Variants in SYT3 observed in about 807,000 individuals in gnomAD.
The protein encoded by SYT3 is synaptotagmin 3, also known as synaptotagmin-3.
A neutral mutation model predicts 50.6 loss-of-function variants in SYT3; 25 were observed. That is an observed-to-expected ratio of 0.49 (90% confidence interval 0.36 to 0.69). The LOEUF (loss-of-function observed/expected upper bound fraction) is 0.69. Among genes scored for constraint, SYT3 ranks in the 30% least tolerant of loss-of-function variants. SYT3 has a pLI of 0.00. For synonymous variants in SYT3, 323 were observed against 353.9 expected, an observed-to-expected ratio of 0.91 and a Z score of 0.98; for missense variants, 589 against 793.6, an observed-to-expected ratio of 0.74 and a Z score of 3.10.
the SYT3 span, among the ~76,000 whole-genome samples, chr19:50,655,548 C>T: frequency 6.6e-6 from 1 of 151,882 alleles, no homozygotes; most frequent in East Asian, 1.9e-4. Flanking sequence ...ACTCGGGAGG[C>T]TGAGGCAGGA....
chr19:50,644,143 C>A (rs892989594), upstream of SYT3, among the ~76,000 whole-genome samples: 6 of 152,142 alleles, frequency 3.9e-5, no homozygotes, highest in African/African-American at 1.4e-4. Flanking sequence ...ATGGTAGGCA[C>A]TCAATACTTA....
the SYT3 span, among the ~76,000 whole-genome samples, chr19:50,650,149 C>G: frequency 4.0e-3 from 610 of 152,280 alleles, 2 homozygotes; most frequent in Middle Eastern, 0.037. Context: ...CTGGCTGTCC[C>G]TTGCTCATAA....
the SYT3 span, among the ~76,000 whole-genome samples, chr19:50,655,648 C>CAAA: frequency 1.7e-4 from 23 of 133,564 alleles, no homozygotes; most frequent in Admixed American, 1.2e-3. Flanking sequence ...GACTCTGTCT[C>CAAA]AAAAAAAAAA....
Position 50,622,324 on chromosome 19 carries a change from C to T in SYT3, c.*161G>A, listed in dbSNP as rs1447782515. The T allele has an allele frequency of 4.9e-5, 11 of 222,274 alleles. No individual in the cohort carries two copies. The highest frequency in any genetic ancestry group is 2.3e-4 in the African/African-American group (10 of 43,574). The allele number at this position is 222,274 out of a possible 1,614,324, so 13.8% of individuals were successfully genotyped here. On this transcript the variant is annotated 3_prime_UTR_variant, in exon 11 of 11. Transcript: ENST00000600079. ...TGAAAGAAGGAGCTGGGCCGGCCTC[C>T]TCTCATCCTCTCGCTTCCAGGGTTA...
Position 50,625,961 on chromosome 19 carries a change from C to T in SYT3, c.1338G>A (p.Gly446=), listed in dbSNP as rs201091203. The part of the protein sequence containing the change: ...NFSLCYLPTA[G]RLTVTIIKAS... ...CTTTGATGATGGTCACGGTGAGGCGCCCGGCCGTGGGGAGGTAGCAGAGTG... is the reference window on the plus strand; with the variant it reads ...CTTTGATGATGGTCACGGTGAGGCGTCCGGCCGTGGGGAGGTAGCAGAGTG... The change falls in exon 7 of 11, where the codon GGG becomes GGA. Residue 446 remains glycine (G), a synonymous_variant. Transcript: ENST00000600079. This position sits in a 1 kb window ranked among gnomAD's most constrained non-coding sequence, Gnocchi z 7.5. The T allele has an allele frequency of 6.3e-4, 1,014 of 1,614,156 alleles. 12 individuals are homozygous for T. The South Asian group carries it at 8.3e-3, about 13-fold the overall frequency.
At chr19:50,646,020 G>C in the SYT3 span, among the ~76,000 whole-genome samples, 1 of 152,264 alleles carries the variant, frequency 6.6e-6, no homozygotes, top group East Asian at 1.9e-4. Flanking sequence ...GAGACATAGA[G>C]TCCCAAATCC....
rs1984337199 is a variant in SYT3 at position 50,632,347 on chromosome 19, C to G, written c.613G>C (p.Gly205Arg). Residue 205 changes from glycine (G) to arginine (R), a missense_variant, in exon 4 of 11, where the codon GGT becomes CGT. Transcript: ENST00000600079. The surrounding 1 kb of genome is among the most constrained non-coding windows in gnomAD (Gnocchi z 4.7). ...GSGLLLLPPS[G>R]GGLPSAQSHQ... ...GACTGGGCACTGGGCAAGCCCCCAC[C>G]ACTGGGGGGCAGCAGGAGCAACCCA... 1 of 1,608,310 alleles carries G rather than the reference C, an allele frequency of 6.2e-7. No homozygotes were observed. Among genetic ancestry groups the G allele is most frequent in the East Asian group, 2.2e-5 (1 of 44,666 alleles).
At chr19:50,645,882 C>T in the SYT3 span, among the ~76,000 whole-genome samples, 19 of 151,892 alleles carry the variant, frequency 1.3e-4, no homozygotes, top group East Asian at 1.2e-3. Context: ...AAACCCCCCA[C>T]GAAACCCAAA....
the SYT3 span, chr19:50,657,879 C>A: frequency 7.2e-7 from 1 of 1,381,714 alleles, no homozygotes; most frequent in Non-Finnish European, 9.5e-7. Context: ...CCCTCAAATG[C>A]CACCTGGAAC....
chr19:50,630,181 G>C lies in SYT3; in HGVS notation c.675-10C>G, dbSNP rs769633097. 1 of 1,497,052 alleles carries C rather than the reference G, an allele frequency of 6.7e-7. No homozygotes were observed. Among genetic ancestry groups the C allele is most frequent in the Admixed American group, 2.3e-5 (1 of 43,088 alleles). 92.7% of individuals were successfully genotyped at this position (1,497,052 alleles called of 1,614,324 possible). A position where few individuals can be genotyped will look rare whatever the true frequency, so the allele number is the denominator to read the frequency against. On this transcript the variant is annotated splice_polypyrimidine_tract_variant and intron_variant, in intron 4 of 10. Transcript: ENST00000600079. ...GGGCAGGGCTGGGTACCTGTAGGGG[G>C]TTGGGGGGAGACCAAGGTGAGGTCA...
At chr19:50,655,661 C>A in the SYT3 span, among the ~76,000 whole-genome samples, 16 of 146,650 alleles carry the variant, frequency 1.1e-4, no homozygotes, top group South Asian at 2.6e-3. Flanking sequence ...AAAAAAAAAA[C>A]AAAAAACCTG....
the SYT3 span, among the ~76,000 whole-genome samples, chr19:50,653,967 AG>A: frequency 1.3e-5 from 2 of 151,440 alleles, no homozygotes; most frequent in East Asian, 1.9e-4. Flanking sequence ...CTGAGCTGGG[AG>A]GGGGGGATTT....
chr19:50,656,764 T>C, the SYT3 span, among the ~76,000 whole-genome samples: 14 of 151,982 alleles, frequency 9.2e-5, no homozygotes, highest in Non-Finnish European at 1.6e-4. Context: ...CTAGCCTGGC[T>C]AACATGGTGA....
the SYT3 span, among the ~76,000 whole-genome samples, chr19:50,647,020 C>T: frequency 5.3e-5 from 8 of 152,072 alleles, no homozygotes; most frequent in Middle Eastern, 3.4e-3. Flanking sequence ...TCAGTAGAGA[C>T]GGGGTTTCAC....
rs1375690668 is a variant in SYT3 at position 50,632,427 on chromosome 19, C to G, written c.533G>C (p.Gly178Ala). The change falls in exon 4 of 11, where the codon GGG becomes GCG. Residue 178 changes from glycine (G) to alanine (A), a missense_variant. This residue lies in a region of SYT3 where 316 missense variants were observed against 354.3 expected (regional missense o/e 0.89). Coordinates refer to ENST00000600079, the MANE Select transcript of SYT3 (RefSeq NM_001160329.2). This position sits in a 1 kb window ranked among gnomAD's most constrained non-coding sequence, Gnocchi z 4.7. ...PEAAAAAVAA[G>A]VKPSQTSPEL... ...AGGGGATGTTTGGCTCGGTTTGACC[C>G]CAGCGGCCACTGCTGCTGCTGCAGC... is the stretch of plus-strand genomic sequence containing the variant. 8.1e-6 allele frequency: 13 copies of G among 1,613,426 alleles called. No individual in the cohort carries two copies. Among genetic ancestry groups the G allele is most frequent in the African/African-American group, 1.3e-5 (1 of 74,916 alleles).
intron 6 of SYT3, among the ~76,000 whole-genome samples, chr19:50,628,131 G>C (rs1220444301): frequency 6.6e-6 from 1 of 152,222 alleles, no homozygotes; most frequent in Non-Finnish European, 1.5e-5. Flanking sequence ...AGGAGGTCTA[G>C]TCCTCTCCTG....
At chr19:50,655,209 G>A in the SYT3 span, among the ~76,000 whole-genome samples, 2 of 152,312 alleles carry the variant, frequency 1.3e-5, no homozygotes, top group East Asian at 3.9e-4. Context: ...TGTAGGGGAA[G>A]GGGAAAATGG....
the SYT3 span, among the ~76,000 whole-genome samples, chr19:50,651,457 C>G: frequency 2.8e-3 from 429 of 152,312 alleles, 4 homozygotes; most frequent in African/African-American, 9.8e-3. Flanking sequence ...GTAACACTTT[C>G]ATTGAAACAC....
chr19:50,646,523 G>A, the SYT3 span, among the ~76,000 whole-genome samples: 1 of 152,206 alleles, frequency 6.6e-6, no homozygotes, highest in Admixed American at 6.5e-5. Context: ...CAGAGAGCCA[G>A]AGATGAGTCA....
Sources: allele counts gnomAD v4.1 joint callset (sites outside exome capture counted in the v4.1 genomes callset), GRCh38; gene constraint gnomAD v4.1.1; regional missense constraint gnomAD v4.1.1; non-coding constraint Gnocchi (gnomAD v3.1); transcripts MANE v1.5; gene names NCBI Gene and HGNC (gene_info 2026-07-23, HGNC 2026-07-21).